Variants in CEP128 observed in about 807,000 individuals in gnomAD.
CEP128 encodes the protein centrosomal protein 128kDa.
A neutral mutation model predicts 156.7 loss-of-function variants in CEP128; 132 were observed. The observed-to-expected ratio is 0.84, with a 90% confidence interval of 0.73 to 0.97. The LOEUF is 0.97. Among genes scored for constraint, CEP128 ranks in the 50% least tolerant of loss-of-function variants. The pLI, the probability that CEP128 is intolerant of heterozygous loss-of-function variation, is 0.00. For synonymous variants in CEP128, 469 were observed against 448.9 expected (o/e 1.04, Z -0.57); for missense variants, 1,252 against 1,281.9 (o/e 0.98, Z 0.36).
At chr14:80,592,951 G>A (rs932138342) in intron 19 of CEP128, among the ~76,000 whole-genome samples, 1 of 152,082 alleles carries the variant, frequency 6.6e-6, no homozygotes, top group African/African-American at 2.4e-5. Context: ...ATTCAACAGT[G>A]CTTCATGCTA....
intron 19 of CEP128, among the ~76,000 whole-genome samples, chr14:80,671,714 G>A (rs1414301867): frequency 6.6e-6 from 1 of 152,118 alleles, no homozygotes; most frequent in Non-Finnish European, 1.5e-5. Context: ...TGCAAGCTGG[G>A]TAAATTGGAT....
At chr14:80,671,395 C>A (rs1361507466) in intron 19 of CEP128, among the ~76,000 whole-genome samples, 3 of 152,132 alleles carry the variant, frequency 2.0e-5, no homozygotes, top group African/African-American at 7.2e-5. Context: ...AATTTATGTT[C>A]TCTGACAGAC....
chr14:80,768,964 T>C (rs1293030344), intron 16 of CEP128, among the ~76,000 whole-genome samples: 2 of 152,342 alleles, frequency 1.3e-5, no homozygotes, highest in African/African-American at 2.4e-5. Context: ...TAAATGATAC[T>C]TTATGCATTC....
At chr14:80,603,135 G>A (rs1473517620) in intron 19 of CEP128, among the ~76,000 whole-genome samples, 2 of 152,176 alleles carry the variant, frequency 1.3e-5, no homozygotes, top group Non-Finnish European at 2.9e-5. Context: ...CTGGAGTGTG[G>A]CCTCAGCAAA....
chr14:80,802,714 C>T (rs1225669892), intron 13 of CEP128, among the ~76,000 whole-genome samples: 1 of 151,912 alleles, frequency 6.6e-6, no homozygotes, highest in African/African-American at 2.4e-5. Context: ...CAGAAATTGA[C>T]TTGGATACTG....
intron 19 of CEP128, among the ~76,000 whole-genome samples, chr14:80,653,952 T>C (rs1394373926): frequency 6.6e-6 from 1 of 152,152 alleles, no homozygotes; most frequent in African/African-American, 2.4e-5. Context: ...CATAAATATG[T>C]GTGCAGTGTG....
At chr14:80,662,006 G>GGCT (rs1301532476) in intron 19 of CEP128, among the ~76,000 whole-genome samples, 3 of 152,072 alleles carry the variant, frequency 2.0e-5, no homozygotes, top group Non-Finnish European at 4.4e-5. Flanking sequence ...GAAGCTTCCT[G>GGCT]GCTGCTTGGA....
chr14:80,637,992 C>T (rs1450207492), intron 19 of CEP128, among the ~76,000 whole-genome samples: 2 of 152,166 alleles, frequency 1.3e-5, no homozygotes, highest in African/African-American at 2.4e-5. Context: ...GATTTTGGCT[C>T]AGCAAAACTG....
intron 8 of CEP128, among the ~76,000 whole-genome samples, chr14:80,868,239 T>G (rs1887865506): frequency 6.6e-6 from 1 of 152,180 alleles, no homozygotes; most frequent in Non-Finnish European, 1.5e-5. Flanking sequence ...ATTATAATAC[T>G]CTAATACTTA....
chr14:80,749,388 C>T (rs1197883373), intron 18 of CEP128, among the ~76,000 whole-genome samples: 1 of 152,120 alleles, frequency 6.6e-6, no homozygotes, highest in Non-Finnish European at 1.5e-5. Flanking sequence ...AATTGTCCAT[C>T]GACAGACAAA....
chr14:80,898,015 A>G lies in CEP128; in HGVS notation c.572+1923T>C, dbSNP rs1264477664. ...GACTGGTCTCAAACTCCTGAGCTCA[A>G]ATGATTCACCTGCCTCGGCCTCCCA... is the stretch of plus-strand genomic sequence containing the variant. On this transcript the variant is annotated intron_variant, in intron 7 of 24. Coordinates refer to ENST00000555265, the MANE Select transcript of CEP128 (RefSeq NM_152446.5). Among the ~76,000 whole-genome samples the G allele has an allele frequency of 2.0e-5, 3 of 152,150 alleles. No homozygotes were observed. In the South Asian group the frequency reaches 6.2e-4, roughly 32 times the overall value.
At chr14:80,815,516 A>C (rs1418129600) in intron 13 of CEP128, among the ~76,000 whole-genome samples, 1 of 152,228 alleles carries the variant, frequency 6.6e-6, no homozygotes, top group Non-Finnish European at 1.5e-5. Flanking sequence ...GAGATTTCAA[A>C]AATAACTAAA....
intron 19 of CEP128, among the ~76,000 whole-genome samples, chr14:80,729,084 T>G (rs1279392868): frequency 5.6e-4 from 37 of 66,000 alleles, no homozygotes; most frequent in African/African-American, 1.2e-3. Context: ...TGTGTGTGTG[T>G]GTGTGTGTGT....
At chr14:80,625,410 A>G (rs1405019848) in intron 19 of CEP128, among the ~76,000 whole-genome samples, 1 of 152,170 alleles carries the variant, frequency 6.6e-6, no homozygotes, top group Non-Finnish European at 1.5e-5. Flanking sequence ...CTTCTTGCTC[A>G]GTAATGCTTT....
At chr14:80,730,974 G>A (rs117526294) in intron 19 of CEP128, among the ~76,000 whole-genome samples, 1,922 of 152,246 alleles carry the variant, frequency 0.013, 19 homozygotes, top group Non-Finnish European at 0.019. Flanking sequence ...AAATATTACA[G>A]CTATCACAAC....
At chr14:80,694,548 C>A (rs887708779) in intron 19 of CEP128, among the ~76,000 whole-genome samples, 1 of 152,126 alleles carries the variant, frequency 6.6e-6, no homozygotes, top group East Asian at 1.9e-4. Context: ...GGCACATATA[C>A]ACCATGGAAT....
chr14:80,833,196 TATA>T, intron 12 of CEP128, among the ~76,000 whole-genome samples: 1 of 151,952 alleles, frequency 6.6e-6, no homozygotes, highest in Middle Eastern at 3.4e-3. Flanking sequence ...TTTGTGTGCA[TATA>T]ACATGTCTCA....
intron 19 of CEP128, among the ~76,000 whole-genome samples, chr14:80,649,185 G>T (rs986926881): frequency 2.0e-5 from 3 of 151,980 alleles, no homozygotes; most frequent in African/African-American, 7.3e-5. Context: ...AATGTGGTGC[G>T]CTCCAAAAGC....
chr14:80,809,848 G>C (rs1884402710), intron 13 of CEP128, among the ~76,000 whole-genome samples: 1 of 151,934 alleles, frequency 6.6e-6, no homozygotes, highest in African/African-American at 2.4e-5. Flanking sequence ...ATGCTCAAGG[G>C]AGTCTTAAAC....
Sources: gnomAD v4.1 joint callset for allele counts (sites outside exome capture counted in the v4.1 genomes callset) on GRCh38, gnomAD v4.1.1 for gene constraint, MANE v1.5 for transcripts, NCBI Gene and HGNC (gene_info 2026-07-23, HGNC 2026-07-21) for gene names.